TRIM29: variants seen among roughly 807,000 people sequenced by gnomAD.
TRIM29 encodes the protein tripartite motif-containing protein 29.
Under a neutral mutation model 57.3 loss-of-function variants are expected in TRIM29, and 52 were observed. That is an observed-to-expected ratio of 0.91 (90% confidence interval 0.73 to 1.14). TRIM29 has a LOEUF of 1.14. Ranked by LOEUF, TRIM29 falls within the 50% of genes most tolerant of loss-of-function variation. TRIM29 has a pLI of 0.00. For synonymous variants in TRIM29, 319 were observed against 316.9 expected, an observed-to-expected ratio of 1.01 and a Z score of -0.07; for missense variants, 753 against 774.6, an observed-to-expected ratio of 0.97 and a Z score of 0.33.
intron 4 of TRIM29, 31 bp downstream of exon 4, chr11:120,125,660 C>T (rs767320775): frequency 1.2e-6 from 2 of 1,612,714 alleles, no homozygotes; most frequent in Non-Finnish European, 1.7e-6. Flanking sequence ...AGGTCTATGG[C>T]CTTGGGGCCC....
At chr11:120,123,964 G>A (rs1168714887) in intron 4 of TRIM29, 1 of 162,668 alleles carries the variant, frequency 6.1e-6, no homozygotes, top group Non-Finnish European at 1.3e-5. Context: ...GGTCTGGTGG[G>A]CAGGCTAGCA....
chr11:120,130,460 G>C (rs1166227478), intron 1 of TRIM29, among the ~76,000 whole-genome samples: 1 of 152,208 alleles, frequency 6.6e-6, no homozygotes, highest in Non-Finnish European at 1.5e-5. Context: ...TAAAAGTCCT[G>C]TCTCAAATAG....
intron 6 of TRIM29, 146 bp from the exon 7 acceptor site, chr11:120,118,467 C>G: frequency 1.6e-6 from 1 of 616,738 alleles, no homozygotes; most frequent in East Asian, 2.8e-5. Context: ...TGACGCCTCA[C>G]CCCCATCCTT....
intron 3 of TRIM29, 82 bp downstream of exon 3, chr11:120,127,254 T>G: frequency 1.7e-6 from 2 of 1,194,324 alleles, no homozygotes; most frequent in East Asian, 2.4e-5. Context: ...AGTGGATAGG[T>G]GGATGGATGG....
chr11:120,113,769 G>A (rs759793548), intron 8 of TRIM29: 6 of 442,310 alleles, frequency 1.4e-5, no homozygotes, highest in Non-Finnish European at 2.7e-5. Flanking sequence ...TGGACCCCAA[G>A]CAATTCATAG....
At chr11:120,136,928 T>C (rs1863828065) in intron 1 of TRIM29, among the ~76,000 whole-genome samples, 3 of 152,200 alleles carry the variant, frequency 2.0e-5, no homozygotes, top group Admixed American at 1.3e-4. Flanking sequence ...CTCTCTAACC[T>C]GACTCGAATT....
chr11:120,129,340 C>G (rs1326453997), intron 1 of TRIM29, among the ~76,000 whole-genome samples: 3 of 152,166 alleles, frequency 2.0e-5, no homozygotes, highest in Non-Finnish European at 4.4e-5. Context: ...TCCCATCCAG[C>G]CAAGCCTCTG....
chr11:120,127,228 G>A, intron 3 of TRIM29, 108 bp downstream of exon 3: 1 of 913,270 alleles, frequency 1.1e-6, no homozygotes, highest in Non-Finnish European at 1.7e-6. Flanking sequence ...TGAACAGATA[G>A]ACGAATAGGT....
intron 8 of TRIM29, among the ~76,000 whole-genome samples, chr11:120,115,073 T>C (rs1259943847): frequency 6.6e-6 from 1 of 152,004 alleles, no homozygotes; most frequent in Non-Finnish European, 1.5e-5. Flanking sequence ...ATTTGCCAAA[T>C]AAAAAAATCA....
intron 5 of TRIM29, chr11:120,122,045 G>C (rs1863461790): frequency 2.3e-6 from 1 of 433,266 alleles, no homozygotes; most frequent in African/African-American, 2.0e-5. Flanking sequence ...CCCAGGGGTT[G>C]TTTTCAAACT....
In TRIM29 at chr11:120,115,414, C is replaced by T; in HGVS notation, c.1628G>A (p.Gly543Asp). ...VQGSSSFSLK[G>D]YPSLMRSQSP... ...TTGGCTCCGCATGAGGGAGGGATAG[C>T]CTGGGAAGACAAGAGATTCAGGTCA... Residue 543 changes from glycine to aspartate, a missense_variant and splice_region_variant, in exon 8 of 9, where the codon GGC (glycine) becomes GAC (aspartate). Physicochemically the swap from Gly to Asp is moderately conservative, Grantham distance 94. Coordinates refer to ENST00000341846, the MANE Select transcript of TRIM29 (RefSeq NM_012101.4). 1 of 1,613,224 alleles carries T rather than the reference C, an allele frequency of 6.2e-7. No homozygotes were observed. The highest frequency in any genetic ancestry group is 1.3e-5 in the African/African-American group (1 of 75,044).
intron 5 of TRIM29, chr11:120,122,131 AGTGTGT>A (rs72245071): frequency 3.1e-4 from 63 of 203,888 alleles, no homozygotes; most frequent in South Asian, 7.5e-4. Flanking sequence ...TGTGTGTGTG[AGTGTGT>A]GTGTGTGTGT....
chr11:120,116,963 A>AT, intron 7 of TRIM29: 1 of 412,194 alleles, frequency 2.4e-6, no homozygotes, highest in South Asian at 1.8e-5. Flanking sequence ...AGATACCGGG[A>AT]TTATTTTTAG....
intron 5 of TRIM29, 24 bp from the exon 6 acceptor site, chr11:120,120,689 G>A (rs1863421592): frequency 6.2e-7 from 1 of 1,609,838 alleles, no homozygotes; most frequent in Non-Finnish European, 8.5e-7. Context: ...GAAGGGGGCT[G>A]TCATTGCAGA....
chr11:120,129,849 A>G (rs764374882), intron 1 of TRIM29, among the ~76,000 whole-genome samples: 1 of 151,946 alleles, frequency 6.6e-6, no homozygotes, highest in Non-Finnish European at 1.5e-5. Flanking sequence ...TGGACTCTCC[A>G]GGCAGGGAGA....
chr11:120,119,454 C>G (rs1863377222), intron 6 of TRIM29, among the ~76,000 whole-genome samples: 1 of 152,222 alleles, frequency 6.6e-6, no homozygotes, highest in Admixed American at 6.5e-5. Context: ...GTAGCAAGGC[C>G]TCAGTAAGCA....
At chr11:120,134,431 G>A (rs1414147833) in intron 1 of TRIM29, among the ~76,000 whole-genome samples, 2 of 152,196 alleles carry the variant, frequency 1.3e-5, no homozygotes, top group South Asian at 2.1e-4. Context: ...GCTGATGTTT[G>A]GGTCTGCAGG....
chr11:120,115,137 C>A (rs150199627), intron 8 of TRIM29, among the ~76,000 whole-genome samples: 2 of 152,344 alleles, frequency 1.3e-5, no homozygotes, highest in African/African-American at 2.4e-5. Context: ...GTATGCTTAG[C>A]TAGTCCCCTG....
chr11:120,113,799 G>C (rs1591315904), intron 8 of TRIM29: 3 of 412,838 alleles, frequency 7.3e-6, no homozygotes, highest in Non-Finnish European at 1.4e-5. Context: ...AACAGATTTG[G>C]AAATGGCTGA....
Sources: allele counts gnomAD v4.1 joint callset (sites outside exome capture counted in the v4.1 genomes callset), GRCh38; gene constraint gnomAD v4.1.1; transcripts MANE v1.5; gene names NCBI Gene and HGNC (gene_info 2026-07-23, HGNC 2026-07-21).